Variants in FGF12 observed in about 807,000 individuals in gnomAD.
FGF12 encodes fibroblast growth factor 12B.
Under a neutral mutation model 23.6 loss-of-function variants are expected in FGF12, and 14 were observed. The observed-to-expected ratio is 0.59, with a 90% CI of 0.39 to 0.93. The LOEUF (loss-of-function observed/expected upper bound fraction) is 0.93. Among genes scored for constraint, FGF12 ranks in the 40% least tolerant of loss-of-function variants. The pLI is 0.00. For missense variants in FGF12, 175 were observed against 217.8 expected (o/e 0.80, Z 1.24); for synonymous variants, 62 against 77.3 (o/e 0.80, Z 1.04).
chr3:192,470,434 G>C (rs996917603), intron 2 of FGF12, among the ~76,000 whole-genome samples: 1 of 152,168 alleles, frequency 6.6e-6, no homozygotes, highest in Non-Finnish European at 1.5e-5. Context: ...GTCTGCCTAG[G>C]CTGTAGTGCA....
chr3:192,724,025 G>C (rs1426948943), intron 2 of FGF12, among the ~76,000 whole-genome samples: 4 of 140,044 alleles, frequency 2.9e-5, no homozygotes, highest in Middle Eastern at 3.3e-3. Context: ...GAAGGGAAAA[G>C]GGAGGGAGAA....
At chr3:192,239,706 T>G (rs187869222) in intron 4 of FGF12, among the ~76,000 whole-genome samples, 36 of 152,280 alleles carry the variant, frequency 2.4e-4, no homozygotes, top group African/African-American at 7.9e-4. Flanking sequence ...TTGGTGAGAA[T>G]CTAACCAATG....
chr3:192,258,312 G>T (rs1445196861), intron 4 of FGF12, among the ~76,000 whole-genome samples: 1 of 152,038 alleles, frequency 6.6e-6, no homozygotes, highest in Non-Finnish European at 1.5e-5. Flanking sequence ...ACAAACATTA[G>T]CCAGGCGTGG....
At chr3:192,481,763 C>T (rs1245294608) in intron 2 of FGF12, among the ~76,000 whole-genome samples, 1 of 152,152 alleles carries the variant, frequency 6.6e-6, no homozygotes, top group African/African-American at 2.4e-5. Flanking sequence ...CGGTCTACGT[C>T]TGGATTTTCC....
intron 2 of FGF12, among the ~76,000 whole-genome samples, chr3:192,494,083 A>T (rs1002871091): frequency 6.6e-6 from 1 of 152,168 alleles, no homozygotes; most frequent in Non-Finnish European, 1.5e-5. Flanking sequence ...TACTTTCTGA[A>T]ATACTTTCTA....
intron 2 of FGF12, among the ~76,000 whole-genome samples, chr3:192,571,800 A>G (rs1159753176): frequency 6.6e-6 from 1 of 152,184 alleles, no homozygotes; most frequent in African/African-American, 2.4e-5. Flanking sequence ...CCTCAGCAGC[A>G]GCCCCAGCAG....
At chr3:192,258,151 A>G (rs1338673975) in intron 4 of FGF12, among the ~76,000 whole-genome samples, 1 of 152,116 alleles carries the variant, frequency 6.6e-6, no homozygotes, top group African/African-American at 2.4e-5. Flanking sequence ...ATAAGACACG[A>G]CAATAAATAT....
At chr3:192,531,120 T>C (rs1423833456) in intron 2 of FGF12, among the ~76,000 whole-genome samples, 1 of 152,190 alleles carries the variant, frequency 6.6e-6, no homozygotes, top group Non-Finnish European at 1.5e-5. Context: ...CCCTGCAGTT[T>C]AATGTTTTAA....
intron 2 of FGF12, among the ~76,000 whole-genome samples, chr3:192,364,372 G>T (rs1440185122): frequency 6.6e-6 from 1 of 152,082 alleles, no homozygotes; most frequent in Non-Finnish European, 1.5e-5. Flanking sequence ...ATGAAATGAT[G>T]ACTATATTAT....
chr3:192,654,554 T>C (rs1211884854), intron 2 of FGF12, among the ~76,000 whole-genome samples: 3 of 152,218 alleles, frequency 2.0e-5, no homozygotes, highest in Non-Finnish European at 2.9e-5. Flanking sequence ...GGGCATTCAA[T>C]GTATCTTTAA....
rs967795115 is a variant in FGF12 at position 192,307,333 on chromosome 3, C to T, written c.228+28028G>A. 1.8e-4 allele frequency among the ~76,000 whole-genome samples: 27 copies of T among 152,236 alleles called. 1 individual carries two copies. Among genetic ancestry groups the T allele is most frequent in the Middle Eastern group, 3.4e-3 (1 of 294 alleles). Reference sequence around the variant, plus strand: ...AAAGGCACAATAAATAGAAAATGTTCCTTATCGTCACCTCCAGGGTACGCT... The same window carrying T: ...AAAGGCACAATAAATAGAAAATGTTTCTTATCGTCACCTCCAGGGTACGCT... On this transcript the variant is annotated intron_variant, in intron 4 of 5. Coordinates refer to ENST00000445105, the MANE Select transcript of FGF12 (RefSeq NM_004113.6).
intron 2 of FGF12, among the ~76,000 whole-genome samples, chr3:192,488,350 A>G (rs988075176): frequency 2.0e-5 from 3 of 152,204 alleles, no homozygotes; most frequent in Middle Eastern, 3.4e-3. Context: ...AGAGTTACCT[A>G]AATATTGCTT....
chr3:192,173,659 A>C (rs949989662), intron 4 of FGF12, among the ~76,000 whole-genome samples: 3 of 152,220 alleles, frequency 2.0e-5, no homozygotes, highest in African/African-American at 7.2e-5. Flanking sequence ...ATCTAGTCCA[A>C]TACTAGCAAA....
At position 192,460,704 on chromosome 3, in the gene FGF12, A is replaced by ATC. The variant is rs1491407542; in HGVS notation, c.14-100168_14-100167dup. On this transcript the variant is annotated intron_variant, in intron 2 of 5. Transcript: ENST00000445105. The stretch of plus-strand genomic sequence containing the variant: ...TATTTATATATATATATATATATAT[A>ATC]TCCACTTTGCATTTACTTGCATTTA... 3.4e-5 allele frequency among the ~76,000 whole-genome samples: 5 copies of ATC among 148,892 alleles called. No homozygotes were observed. In the East Asian group the frequency reaches 7.8e-4, roughly 23 times the overall value.
chr3:192,440,582 C>T (rs1376797263), intron 2 of FGF12, among the ~76,000 whole-genome samples: 3 of 152,204 alleles, frequency 2.0e-5, no homozygotes, highest in South Asian at 2.1e-4. Context: ...TTGAGCTTCA[C>T]GATTTTCCTT....
At chr3:192,439,734 T>G (rs1181607751) in intron 2 of FGF12, among the ~76,000 whole-genome samples, 1 of 152,122 alleles carries the variant, frequency 6.6e-6, no homozygotes, top group African/African-American at 2.4e-5. Flanking sequence ...CCCAGCACTT[T>G]GGGAGGCCAA....
At chr3:192,262,617 T>C (rs563950516) in intron 4 of FGF12, among the ~76,000 whole-genome samples, 1 of 152,116 alleles carries the variant, frequency 6.6e-6, no homozygotes, top group Non-Finnish European at 1.5e-5. Context: ...CCACACCATA[T>C]GGGTTTGTAG....
chr3:192,402,064 C>T (rs1294745203), intron 2 of FGF12, among the ~76,000 whole-genome samples: 2 of 152,248 alleles, frequency 1.3e-5, no homozygotes, highest in African/African-American at 4.8e-5. Context: ...TTTGAATTCA[C>T]ATCCCACTCC....
intron 2 of FGF12, among the ~76,000 whole-genome samples, chr3:192,479,414 T>A (rs1290271325): frequency 1.3e-5 from 2 of 152,212 alleles, no homozygotes; most frequent in Non-Finnish European, 2.9e-5. Context: ...ACATGGAGTC[T>A]TAATAATGCA....
Sources: gnomAD v4.1 joint callset for allele counts (sites outside exome capture counted in the v4.1 genomes callset) on GRCh38, gnomAD v4.1.1 for gene constraint, MANE v1.5 for transcripts, NCBI Gene and HGNC (gene_info 2026-07-23, HGNC 2026-07-21) for gene names.